The following DPP10 variants were observed in gnomAD, a reference collection of about 807,000 sequenced individuals.
DPP10 encodes the protein inactive dipeptidyl peptidase 10.
DPP10 carries 33 observed loss-of-function variants against 120.9 expected under a neutral mutation model. The ratio of observed to expected loss-of-function variants is 0.27; its 90% CI spans 0.21 to 0.37. The LOEUF is 0.37. DPP10 is among the 10% of genes least tolerant of loss of function. The pLI is 1.00. For missense variants in DPP10, 816 were observed against 942.8 expected, an observed-to-expected ratio of 0.87 and a Z score of 1.76; for synonymous variants, 337 against 326.1, an observed-to-expected ratio of 1.03 and a Z score of -0.36.
intron 1 of DPP10, among the ~76,000 whole-genome samples, chr2:114,812,618 A>ACACACACACACACACACAC (rs1558766410): frequency 5.3e-5 from 8 of 149,856 alleles, no homozygotes; most frequent in Admixed American, 1.3e-4. Context: ...ACACACACAC[A>ACACACACACACACACACAC]ATTATAATTA....
chr2:115,732,410 G>A (rs952934319), intron 8 of DPP10, among the ~76,000 whole-genome samples: 3 of 152,026 alleles, frequency 2.0e-5, no homozygotes, highest in Admixed American at 2.0e-4. Context: ...TCTATTTTTA[G>A]TATTGTTTAG....
intron 7 of DPP10, among the ~76,000 whole-genome samples, chr2:115,720,682 C>T (rs1373760272): frequency 6.6e-6 from 1 of 151,982 alleles, no homozygotes; most frequent in African/African-American, 2.4e-5. Flanking sequence ...AATAGTGATT[C>T]TGTTTCACTG....
At chr2:114,870,401 A>G (rs1279387587) in intron 1 of DPP10, among the ~76,000 whole-genome samples, 1 of 152,176 alleles carries the variant, frequency 6.6e-6, no homozygotes, top group Non-Finnish European at 1.5e-5. Flanking sequence ...AACATACAAC[A>G]GTGATTGTAA....
chr2:115,601,195 G>C (rs191012775), intron 5 of DPP10, among the ~76,000 whole-genome samples: 31 of 152,304 alleles, frequency 2.0e-4, no homozygotes, highest in Non-Finnish European at 3.8e-4. Context: ...CCACCTTAAA[G>C]TGGTGACTAG....
chr2:115,720,507 C>G (rs937542529), intron 7 of DPP10, among the ~76,000 whole-genome samples: 2 of 151,904 alleles, frequency 1.3e-5, no homozygotes, highest in African/African-American at 4.8e-5. Context: ...TTTGCAACAG[C>G]TTATGTAGAT....
At chr2:115,509,351 G>A (rs2077106516) in intron 4 of DPP10, among the ~76,000 whole-genome samples, 1 of 152,140 alleles carries the variant, frequency 6.6e-6, no homozygotes, top group Admixed American at 6.6e-5. Flanking sequence ...ATGGCGGTTA[G>A]AATGATGTAT....
intron 21 of DPP10, among the ~76,000 whole-genome samples, chr2:115,828,764 A>T (rs997015950): frequency 1.3e-5 from 2 of 152,092 alleles, no homozygotes; most frequent in Non-Finnish European, 2.9e-5. Context: ...ATGTGGGAGG[A>T]TAAATCTCAT....
chr2:114,594,460 A>G (rs923188652), intron 1 of DPP10, among the ~76,000 whole-genome samples: 1 of 148,066 alleles, frequency 6.8e-6, no homozygotes, highest in South Asian at 2.1e-4. Flanking sequence ...ACACATACAT[A>G]TGTAAAAGGG....
intron 1 of DPP10, among the ~76,000 whole-genome samples, chr2:114,968,739 A>G (rs1699204791): frequency 6.6e-6 from 1 of 152,214 alleles, no homozygotes; most frequent in South Asian, 2.1e-4. Flanking sequence ...CCAAACGTTT[A>G]CTAATTTTTC....
chr2:114,748,362 TTTTA>T (rs57013331), intron 1 of DPP10, among the ~76,000 whole-genome samples: 14,440 of 124,378 alleles, frequency 0.12, 1,229 homozygotes, highest in East Asian at 0.26. Context: ...TTTTTTTTTA[TTTTA>T]TTTATTTATT....
chr2:115,324,446 A>G (rs1212644464), intron 2 of DPP10, among the ~76,000 whole-genome samples: 1 of 152,154 alleles, frequency 6.6e-6, no homozygotes, highest in African/African-American at 2.4e-5. Context: ...GCACTTTGAT[A>G]TTATGGAAAT....
At chr2:114,964,663 T>A (rs532544815) in intron 1 of DPP10, among the ~76,000 whole-genome samples, 2 of 152,188 alleles carry the variant, frequency 1.3e-5, no homozygotes, top group South Asian at 2.1e-4. Context: ...AGCTATATGG[T>A]TGGAGCAGAT....
At chr2:115,805,626 G>C (rs1196120194) in intron 19 of DPP10, among the ~76,000 whole-genome samples, 1 of 150,904 alleles carries the variant, frequency 6.6e-6, no homozygotes, top group Admixed American at 6.6e-5. Flanking sequence ...CCAGGCTGGA[G>C]TGCAGTGGTG....
chr2:115,273,945 G>A (rs1046300210), intron 1 of DPP10, among the ~76,000 whole-genome samples: 2 of 152,146 alleles, frequency 1.3e-5, no homozygotes, highest in African/African-American at 2.4e-5. Context: ...ACTCGTAGCC[G>A]TCTTGTGGAC....
intron 3 of DPP10, among the ~76,000 whole-genome samples, chr2:115,392,269 A>C (rs2067371254): frequency 1.3e-5 from 2 of 151,978 alleles, no homozygotes; most frequent in South Asian, 4.2e-4. Flanking sequence ...AAACCTACTG[A>C]GGCTCTAGTC....
intron 2 of DPP10, among the ~76,000 whole-genome samples, chr2:115,325,863 T>G (rs71418555): frequency 6.6e-6 from 1 of 152,118 alleles, no homozygotes; most frequent in Admixed American, 6.6e-5. Flanking sequence ...GGTTGAGATA[T>G]ATGCAGAAAT....
At chr2:114,760,752 CATT>C (rs1183152099) in intron 1 of DPP10, among the ~76,000 whole-genome samples, 14 of 151,946 alleles carry the variant, frequency 9.2e-5, no homozygotes, top group Non-Finnish European at 1.8e-4. Context: ...AATTTTATAT[CATT>C]AAGATGAGTG....
At chr2:115,672,236 A>G (rs2089930940) in intron 5 of DPP10, among the ~76,000 whole-genome samples, 1 of 151,902 alleles carries the variant, frequency 6.6e-6, no homozygotes, top group South Asian at 2.1e-4. Context: ...AGTCTTTGTT[A>G]TGTTGGTTGG....
intron 1 of DPP10, among the ~76,000 whole-genome samples, chr2:115,133,763 G>A (rs1227405311): frequency 1.3e-5 from 2 of 152,146 alleles, no homozygotes; most frequent in African/African-American, 4.8e-5. Context: ...CATTTTGGAC[G>A]CAAATGAGCT....
Sources: allele counts gnomAD v4.1 joint callset (sites outside exome capture counted in the v4.1 genomes callset), GRCh38; gene constraint gnomAD v4.1.1; transcripts MANE v1.5; gene names NCBI Gene and HGNC (gene_info 2026-07-23, HGNC 2026-07-21).